FHAD1: variants seen among roughly 807,000 people sequenced by gnomAD.
The protein encoded by FHAD1 is forkhead-associated domain-containing protein 1.
Under a neutral mutation model 191.3 loss-of-function variants are expected in FHAD1, and 146 were observed. The ratio of observed to expected loss-of-function variants is 0.76; its 90% CI spans 0.67 to 0.88. The LOEUF is 0.88. Among genes scored for constraint, FHAD1 ranks in the 40% least tolerant of loss-of-function variants. The probability of loss-of-function intolerance (pLI) is 0.00; values close to 1 mark genes in which losing one functional copy is unlikely to be tolerated. For missense variants in FHAD1, 1,635 were observed against 1,785.8 expected (o/e 0.92, Z 1.52); for synonymous variants, 616 against 672.3 (o/e 0.92, Z 1.29).
Position 15,381,332 on chromosome 1 carries a change from C to T in FHAD1, c.3903C>T (p.Val1301=), listed in dbSNP as rs1382882251. 1 of 1,551,696 alleles carries T rather than the reference C, an allele frequency of 6.4e-7. No individual in the cohort carries two copies. Among genetic ancestry groups the T allele is most frequent in the East Asian group, 2.4e-5 (1 of 40,920 alleles). The change falls in exon 30 of 34, where the codon GTC becomes GTT. Residue 1301 remains valine, a synonymous_variant. Transcript: ENST00000688493. This position sits in a 1 kb window ranked among gnomAD's most constrained non-coding sequence, Gnocchi z 4.6. The stretch of plus-strand genomic sequence containing the variant: ...TCTCCCGCCAGGAGAGGGAGAAGGT[C>T]AACCAGCTTCGACAAAGGGACCTCG... ...KYLSRQEREK[V]NQLRQRDLDL... is the part of the protein sequence containing the mutation.
intron 6 of FHAD1, among the ~76,000 whole-genome samples, chr1:15,301,756 T>G (rs7550598): frequency 0.18 from 27,194 of 152,178 alleles, 4,930 homozygotes; most frequent in African/African-American, 0.47. Flanking sequence ...GGCCGGGCGC[T>G]GTGGCTCACA....
upstream of FHAD1, among the ~76,000 whole-genome samples, chr1:15,245,454 A>G (rs956706639): frequency 6.6e-6 from 1 of 152,188 alleles, no homozygotes; most frequent in Non-Finnish European, 1.5e-5. Flanking sequence ...TTTAGAAAAG[A>G]TGATATGTGA....
chr1:15,385,096 A>T (rs1701802802), intron 31 of FHAD1, among the ~76,000 whole-genome samples: 1 of 147,576 alleles, frequency 6.8e-6, no homozygotes, highest in South Asian at 2.1e-4. Flanking sequence ...GTCATCAGAA[A>T]CTCCTGTTTG....
intron 4 of FHAD1, 168 bp from the exon 5 acceptor site, chr1:15,296,515 AG>A (rs1667032084): frequency 1.5e-6 from 1 of 661,120 alleles, no homozygotes; most frequent in Non-Finnish European, 2.7e-6. Flanking sequence ...GGCCTCCCAA[AG>A]TGCTGGGATT....
intron 23 of FHAD1, among the ~76,000 whole-genome samples, chr1:15,364,811 C>T (rs1410554190): frequency 2.0e-5 from 3 of 152,132 alleles, no homozygotes; most frequent in Admixed American, 2.0e-4. Context: ...CTGAGACATG[C>T]ACCCTGTGTT....
chr1:15,338,305 CCTT>C (rs1428834608), intron 14 of FHAD1, among the ~76,000 whole-genome samples: 1 of 152,214 alleles, frequency 6.6e-6, no homozygotes, highest in Non-Finnish European at 1.5e-5. Context: ...CGTTTCCTGG[CCTT>C]CTTCAGCCTC....
At chr1:15,275,910 A>G (rs1369581166) in intron 3 of FHAD1, among the ~76,000 whole-genome samples, 1 of 152,188 alleles carries the variant, frequency 6.6e-6, no homozygotes, top group African/African-American at 2.4e-5. Flanking sequence ...TCTTTTCCCA[A>G]GAAAGAGTTC....
At chr1:15,278,271 C>T (rs1180629551) in intron 3 of FHAD1, among the ~76,000 whole-genome samples, 1 of 152,126 alleles carries the variant, frequency 6.6e-6, no homozygotes, top group African/African-American at 2.4e-5. Context: ...TTACCAACCT[C>T]CACTCATAAC....
intron 2 of FHAD1, among the ~76,000 whole-genome samples, chr1:15,264,539 T>C (rs1652569217): frequency 7.1e-6 from 1 of 140,046 alleles, no homozygotes; most frequent in African/African-American, 2.9e-5. Context: ...TTCAGTGTTA[T>C]ATGTATATAT....
In FHAD1 at chr1:15,269,149, T is replaced by A. The variant is rs78084193; in HGVS notation, c.94-3174T>A. ...TTTTGTTTTCTTTGATTCTCTCTAT[T>A]GTCTTCAATTTCATTCATTTCTGAT... On this transcript the variant is annotated intron_variant, in intron 2 of 33. Transcript: ENST00000688493. 2.5e-3 allele frequency among the ~76,000 whole-genome samples: 386 copies of A among 152,248 alleles called. 2 individuals carry two copies. The highest frequency in any genetic ancestry group is 8.5e-3 in the African/African-American group (353 of 41,572).
chr1:15,370,072 G>T (rs1257431012), intron 26 of FHAD1, among the ~76,000 whole-genome samples: 1 of 152,130 alleles, frequency 6.6e-6, no homozygotes, highest in African/African-American at 2.4e-5. Flanking sequence ...ACTTCCCAAG[G>T]TTCAAATGAT....
intron 33 of FHAD1, among the ~76,000 whole-genome samples, chr1:15,394,140 C>G (rs1705150392): frequency 6.6e-6 from 1 of 152,212 alleles, no homozygotes; most frequent in Non-Finnish European, 1.5e-5. Context: ...ATTTCACATT[C>G]CCCATTCCCA....
At chr1:15,261,431 G>T (rs147702675) in intron 2 of FHAD1, among the ~76,000 whole-genome samples, 3 of 152,292 alleles carry the variant, frequency 2.0e-5, no homozygotes, top group East Asian at 1.9e-4. Flanking sequence ...AAGTGGGCAC[G>T]CATTGCTGTC....
intron 4 of FHAD1, among the ~76,000 whole-genome samples, chr1:15,294,771 A>G (rs576626914): frequency 5.9e-5 from 9 of 152,030 alleles, no homozygotes; most frequent in African/African-American, 2.2e-4. Context: ...TCTCCCACTC[A>G]AGCTGTGATA....
At chr1:15,401,549 C>G (rs1214310891), downstream of FHAD1, among the ~76,000 whole-genome samples, 5 of 152,172 alleles carry the variant, frequency 3.3e-5, no homozygotes, top group African/African-American at 1.2e-4. Flanking sequence ...AGATAAGGTG[C>G]CCTTCTCTTG....
chr1:15,383,009 C>A (rs1006263510), intron 31 of FHAD1: 1 of 449,836 alleles, frequency 2.2e-6, no homozygotes, highest in South Asian at 1.6e-5. Flanking sequence ...CCACCACACA[C>A]ACACACGCGC....
At chr1:15,266,211 G>C (rs1162632294) in intron 2 of FHAD1, among the ~76,000 whole-genome samples, 1 of 152,006 alleles carries the variant, frequency 6.6e-6, no homozygotes, top group African/African-American at 2.4e-5. Flanking sequence ...CTGGGCCAAA[G>C]CAATCCTCCC....
chr1:15,313,080 G>A lies in FHAD1; in HGVS notation c.1063G>A (p.Asp355Asn), dbSNP rs767533354. The part of the protein sequence containing the change: ...TSGMVSSLQK[D>N]ILAKDEQVQQ... Reference sequence around the variant, plus strand: ...AGGGATGGTGTCATCTTTGCAAAAAGACATATTAGCAAAGGATGAGCAAGT... The same window carrying A: ...AGGGATGGTGTCATCTTTGCAAAAAAACATATTAGCAAAGGATGAGCAAGT... The change falls in exon 8 of 34, where the codon GAC becomes AAC. Residue 355 changes from aspartate to asparagine, a missense_variant. Coordinates refer to ENST00000688493, the MANE Select transcript of FHAD1 (RefSeq NM_001391957.1). 10 of 1,551,622 alleles carry A rather than the reference G, an allele frequency of 6.4e-6. No individual in the cohort carries two copies. The South Asian group carries it at 1.2e-4, about 18-fold the overall frequency.
chr1:15,288,351 C>T (rs770258946), intron 3 of FHAD1, among the ~76,000 whole-genome samples: 14 of 152,270 alleles, frequency 9.2e-5, no homozygotes, highest in Non-Finnish European at 1.5e-4. Context: ...CACCACTCCA[C>T]GTTTGCTCAT....
Sources: allele counts gnomAD v4.1 joint callset (sites outside exome capture counted in the v4.1 genomes callset), GRCh38; gene constraint gnomAD v4.1.1; non-coding constraint Gnocchi (gnomAD v3.1); transcripts MANE v1.5; gene names NCBI Gene and HGNC (gene_info 2026-07-23, HGNC 2026-07-21).